Variants in NRXN1 observed in about 807,000 individuals in gnomAD.
NRXN1 encodes neurexin 1, also known as neurexin-1.
NRXN1 carries 39 observed loss-of-function variants against 150.9 expected under a neutral mutation model. That is an observed-to-expected ratio of 0.26 (90% CI 0.20 to 0.34). NRXN1 has a LOEUF of 0.34. Ranked by LOEUF, NRXN1 falls within the 10% of genes least tolerant of loss-of-function variation. The pLI is 1.00. For missense variants in NRXN1, 1,815 were observed against 1,949.9 expected (o/e 0.93, Z 1.30); for synonymous variants, 924 against 757.0 (o/e 1.22, Z -3.62).
intron 5 of NRXN1, among the ~76,000 whole-genome samples, chr2:50,802,056 A>G (rs1322360768): frequency 3.9e-5 from 6 of 152,168 alleles, no homozygotes; most frequent in Non-Finnish European, 8.8e-5. Context: ...AAAAAAAATC[A>G]AACCCAACAA....
intron 17 of NRXN1, among the ~76,000 whole-genome samples, chr2:50,324,950 T>C (rs181957243): frequency 3.9e-5 from 6 of 152,356 alleles, no homozygotes; most frequent in Admixed American, 1.3e-4. Context: ...TCAGTTGTAT[T>C]CTTGGACTTT....
chr2:50,049,522 A>G lies in NRXN1; in HGVS notation c.4128+3749T>C, dbSNP rs537047023. Among the ~76,000 whole-genome samples the G allele has an allele frequency of 1.2e-4, 18 of 152,236 alleles. No homozygotes were observed. In the South Asian group the frequency reaches 3.5e-3, roughly 30 times the overall value. On this transcript the variant is annotated intron_variant, in intron 21 of 22. Coordinates refer to ENST00000401669, the MANE Select transcript of NRXN1 (RefSeq NM_001330078.2). ...ATCATGCTCTTTCCATTATACTACA[A>G]TCTCTCTACAGTATGTATGTATTCT... is the stretch of plus-strand genomic sequence containing the variant.
chr2:50,519,783 T>C (rs184777840), intron 12 of NRXN1, among the ~76,000 whole-genome samples: 83 of 152,090 alleles, frequency 5.5e-4, no homozygotes, highest in Non-Finnish European at 9.7e-4. Context: ...CAACCAGTTA[T>C]CATCTGAGAA....
chr2:50,548,844 T>C (rs2093552152), intron 9 of NRXN1, among the ~76,000 whole-genome samples: 1 of 152,114 alleles, frequency 6.6e-6, no homozygotes, highest in Non-Finnish European at 1.5e-5. Flanking sequence ...TCTCATTATA[T>C]TTCTATTTAC....
chr2:49,967,771 G>C (rs1489180900), intron 21 of NRXN1, among the ~76,000 whole-genome samples: 1 of 152,000 alleles, frequency 6.6e-6, no homozygotes, highest in African/African-American at 2.4e-5. Context: ...AATCTTACTG[G>C]CTATGTGGAA....
chr2:50,907,710 C>A (rs988873649), intron 5 of NRXN1, among the ~76,000 whole-genome samples: 3 of 151,870 alleles, frequency 2.0e-5, no homozygotes, highest in African/African-American at 7.3e-5. Flanking sequence ...AAAGGAGTCA[C>A]CAGCCAAGGA....
intron 21 of NRXN1, among the ~76,000 whole-genome samples, chr2:49,967,493 G>A (rs983635733): frequency 3.3e-5 from 5 of 151,948 alleles, no homozygotes; most frequent in Non-Finnish European, 5.9e-5. Flanking sequence ...CTTTTGTTAC[G>A]TTTATAGACA....
At chr2:50,511,689 G>A (rs2092458012) in intron 12 of NRXN1, among the ~76,000 whole-genome samples, 1 of 152,056 alleles carries the variant, frequency 6.6e-6, no homozygotes, top group Admixed American at 6.6e-5. Context: ...CCTAAGAAGG[G>A]CTGGAGTTAA....
intron 12 of NRXN1, among the ~76,000 whole-genome samples, chr2:50,508,629 A>G (rs1340406908): frequency 6.6e-6 from 1 of 151,296 alleles, no homozygotes; most frequent in Non-Finnish European, 1.5e-5. Context: ...TTTCTTTTTT[A>G]AATATATTTT....
chr2:50,218,482 A>T (rs2063553640), intron 18 of NRXN1, among the ~76,000 whole-genome samples: 1 of 144,034 alleles, frequency 6.9e-6, no homozygotes, highest in Non-Finnish European at 1.5e-5. Context: ...CCTTAAAGTT[A>T]GCACCTTCTT....
chr2:50,866,076 T>C (rs960426526), intron 5 of NRXN1, among the ~76,000 whole-genome samples: 1 of 151,870 alleles, frequency 6.6e-6, no homozygotes. Flanking sequence ...GGTCTGTCTC[T>C]GGCTCTTTAT....
intron 19 of NRXN1, among the ~76,000 whole-genome samples, chr2:50,088,866 C>T (rs1056610276): frequency 2.0e-5 from 3 of 152,064 alleles, no homozygotes; most frequent in African/African-American, 7.2e-5. Context: ...GAACTATATT[C>T]AGTACATGGC....
chr2:50,220,881 T>C (rs1160113412), intron 18 of NRXN1, among the ~76,000 whole-genome samples: 3 of 152,006 alleles, frequency 2.0e-5, no homozygotes, highest in Admixed American at 2.0e-4. Context: ...CAAAAGTTAT[T>C]GCTAGTTATG....
At chr2:50,837,764 T>C (rs1370519082) in intron 5 of NRXN1, among the ~76,000 whole-genome samples, 1 of 152,074 alleles carries the variant, frequency 6.6e-6, no homozygotes, top group East Asian at 1.9e-4. Flanking sequence ...TGTTAACAGA[T>C]TTAAGTGGTT....
intron 17 of NRXN1, among the ~76,000 whole-genome samples, chr2:50,420,738 A>G (rs2083919964): frequency 6.6e-6 from 1 of 152,070 alleles, no homozygotes; most frequent in African/African-American, 2.4e-5. Flanking sequence ...TCATAGACTG[A>G]TGAATCAAAG....
chr2:50,904,693 A>T (rs1386306642), intron 5 of NRXN1, among the ~76,000 whole-genome samples: 3 of 152,122 alleles, frequency 2.0e-5, no homozygotes, highest in Non-Finnish European at 4.4e-5. Flanking sequence ...ACTAATCTGT[A>T]TTTTATCTAG....
At chr2:49,942,337 C>G (rs1672125648) in intron 22 of NRXN1, among the ~76,000 whole-genome samples, 1 of 152,134 alleles carries the variant, frequency 6.6e-6, no homozygotes, top group Non-Finnish European at 1.5e-5. Flanking sequence ...CAGCTGCTCT[C>G]TAAGCGCTAC....
At chr2:50,198,886 T>C (rs1408960063) in intron 18 of NRXN1, among the ~76,000 whole-genome samples, 2 of 152,100 alleles carry the variant, frequency 1.3e-5, no homozygotes, top group African/African-American at 4.8e-5. Flanking sequence ...GGAGCACAGG[T>C]ATATCTCCAA....
Position 50,989,152 on chromosome 2 carries a change from T to C in NRXN1, c.772+38350A>G, listed in dbSNP as rs184305470. Among the ~76,000 whole-genome samples, 110 of 152,068 alleles carry C rather than the reference T, an allele frequency of 7.2e-4. 1 individual carries two copies. Among genetic ancestry groups the C allele is most frequent in the African/African-American group, 2.6e-3 (106 of 41,544 alleles). On this transcript the variant is annotated intron_variant, in intron 2 of 22. Transcript: ENST00000401669. The stretch of plus-strand genomic sequence containing the variant: ...GATAATCAGTGAGAAATAAACAACA[T>C]AGTAACAGAATATTTTGAAATTTAT...
Sources: gnomAD v4.1 joint callset for allele counts (sites outside exome capture counted in the v4.1 genomes callset) on GRCh38, gnomAD v4.1.1 for gene constraint, MANE v1.5 for transcripts, NCBI Gene and HGNC (gene_info 2026-07-23, HGNC 2026-07-21) for gene names.